Variants in PICALM observed in about 807,000 individuals in gnomAD.
The protein encoded by PICALM is phosphatidylinositol binding clathrin assembly protein.
Under a neutral mutation model 80.5 loss-of-function variants are expected in PICALM, and 40 were observed. The observed-to-expected ratio is 0.50, with a 90% CI of 0.39 to 0.65. The LOEUF (loss-of-function observed/expected upper bound fraction) is 0.65. Ranked by LOEUF, PICALM falls within the 30% of genes least tolerant of loss-of-function variation. The pLI, the probability that PICALM is intolerant of heterozygous loss-of-function variation, is 0.00. For synonymous variants in PICALM, 288 were observed against 260.3 expected (o/e 1.11, Z -1.02); for missense variants, 676 against 778.9 (o/e 0.87, Z 1.57).
intron 7 of PICALM, among the ~76,000 whole-genome samples, chr11:86,008,956 A>C (rs1432643978): frequency 6.6e-6 from 1 of 151,232 alleles, no homozygotes; most frequent in East Asian, 1.9e-4. Context: ...AAAAGCCAAA[A>C]AAAAAAAAAA....
chr11:85,971,911 T>A (rs184145563), intron 19 of PICALM, among the ~76,000 whole-genome samples: 38 of 152,012 alleles, frequency 2.5e-4, no homozygotes, highest in Non-Finnish European at 2.9e-5. Context: ...GCCTCCCAAG[T>A]AGCTGGGATT....
chr11:85,981,293 T>G, intron 16 of PICALM, 65 bp from the exon 17 acceptor site: 2 of 972,664 alleles, frequency 2.1e-6, no homozygotes, highest in Non-Finnish European at 3.3e-6. Context: ...AGCTATATAC[T>G]TATATAGAAC....
At position 85,974,829 on chromosome 11, in the gene PICALM, T is replaced by C. The variant is rs777179290; in HGVS notation, c.1840-17A>G. On this transcript the variant is annotated splice_polypyrimidine_tract_variant and intron_variant, in intron 18 of 19. Coordinates refer to ENST00000393346, the MANE Select transcript of PICALM (RefSeq NM_007166.4). ...TTGTGGAGGCTAAAAAAGAGAAAAA[T>C]ATCAAAAGATACTGACTCCTATCTT... 3.4e-6 allele frequency: 5 copies of C among 1,491,900 alleles called. No individual in the cohort carries two copies. The African/African-American group carries it at 5.5e-5, about 16-fold the overall frequency. 92.4% of individuals were successfully genotyped at this position (1,491,900 alleles called of 1,614,324 possible). A position where few individuals can be genotyped will look rare whatever the true frequency, so the allele number is the denominator to read the frequency against.
chr11:85,962,280 TG>T (rs1435223544), intron 19 of PICALM, among the ~76,000 whole-genome samples: 2 of 152,194 alleles, frequency 1.3e-5, no homozygotes, highest in Non-Finnish European at 2.9e-5. Flanking sequence ...GTTACTGAGC[TG>T]GAGGGAGTCC....
intron 2 of PICALM, among the ~76,000 whole-genome samples, chr11:86,028,587 A>C (rs1285970131): frequency 6.6e-6 from 1 of 152,182 alleles, no homozygotes; most frequent in Non-Finnish European, 1.5e-5. Flanking sequence ...AATTCTATTT[A>C]CCATGAAGGT....
At chr11:85,990,190 G>T (rs1377659234) in intron 13 of PICALM, 60 bp downstream of exon 13, 3 of 921,136 alleles carry the variant, frequency 3.3e-6, no homozygotes, top group African/African-American at 1.7e-5. Context: ...TAATGGACAC[G>T]TAAAATATAG....
intron 1 of PICALM, among the ~76,000 whole-genome samples, chr11:86,052,412 T>C (rs543453374): frequency 6.6e-6 from 1 of 152,196 alleles, no homozygotes; most frequent in African/African-American, 2.4e-5. Context: ...TTATCAGACT[T>C]TGTGAATCCC....
Position 85,957,500 on chromosome 11 carries a change from C to T in PICALM, c.*1546G>A, listed in dbSNP as rs1427827858. 1.3e-5 allele frequency among the ~76,000 whole-genome samples: 2 copies of T among 151,958 alleles called. No individual in the cohort carries two copies. The highest frequency in any genetic ancestry group is 2.9e-5 in the Non-Finnish European group (2 of 67,994). ...AGTTGCATTTATCAATAAGAGTCTA[C>T]AAGGTAACAAAAAGTGTAAAGAGAC... On this transcript the variant is annotated 3_prime_UTR_variant, in exon 20 of 20. Coordinates refer to ENST00000393346, the MANE Select transcript of PICALM (RefSeq NM_007166.4).
At chr11:85,976,231 C>T (rs2094278522) in intron 18 of PICALM, among the ~76,000 whole-genome samples, 2 of 152,114 alleles carry the variant, frequency 1.3e-5, no homozygotes, top group Non-Finnish European at 2.9e-5. Context: ...ATTTCTCTAG[C>T]CTTTATCAGA....
intron 1 of PICALM, among the ~76,000 whole-genome samples, chr11:86,035,854 A>C (rs1027303836): frequency 1.6e-4 from 24 of 151,194 alleles, no homozygotes; most frequent in African/African-American, 5.3e-4. Context: ...AGGCTGAGGC[A>C]GCAGAATTGC....
chr11:86,000,975 C>T, intron 10 of PICALM, 60 bp downstream of exon 10: 1 of 1,590,196 alleles, frequency 6.3e-7, no homozygotes, highest in South Asian at 1.1e-5. Flanking sequence ...TGCAGAGGCC[C>T]CATTTACCTA....
intron 19 of PICALM, chr11:85,960,648 C>T (rs1217608119): frequency 1.4e-5 from 13 of 943,734 alleles, no homozygotes; most frequent in Non-Finnish European, 2.0e-5. Flanking sequence ...TATTTAAGTC[C>T]CCATCTCCCA....
intron 1 of PICALM, among the ~76,000 whole-genome samples, chr11:86,034,433 T>C (rs2095807900): frequency 6.6e-6 from 1 of 152,118 alleles, no homozygotes; most frequent in African/African-American, 2.4e-5. Flanking sequence ...CAAACAAAAG[T>C]AACACTTATC....
intron 1 of PICALM, among the ~76,000 whole-genome samples, chr11:86,064,775 T>C (rs899096751): frequency 5.3e-5 from 8 of 150,906 alleles, no homozygotes; most frequent in African/African-American, 2.0e-4. Flanking sequence ...AGAATTCATA[T>C]CAAAAAATAG....
In PICALM at chr11:85,990,204, G is replaced by A. The variant is rs776938722; in HGVS notation, c.1408+46C>T. 41 of 1,100,582 alleles carry A rather than the reference G, an allele frequency of 3.7e-5. No individual in the cohort carries two copies. The South Asian group carries it at 5.7e-4, about 15-fold the overall frequency. The allele number at this position is 1,100,582 out of a possible 1,614,324, so 68.2% of individuals were successfully genotyped here. On this transcript the variant is annotated intron_variant, in intron 13 of 19. Coordinates refer to ENST00000393346, the MANE Select transcript of PICALM (RefSeq NM_007166.4). Reference sequence around the variant, plus strand: ...TTAATGGACACGTAAAATATAGTTAGGCAGTATAAACATTGATTGGAAAAA... The same window carrying A: ...TTAATGGACACGTAAAATATAGTTAAGCAGTATAAACATTGATTGGAAAAA...
chr11:85,972,073 G>A (rs77054772), intron 19 of PICALM, among the ~76,000 whole-genome samples: 3,724 of 152,068 alleles, frequency 0.024, 69 homozygotes, highest in Non-Finnish European at 0.037. Context: ...GTGAGCCACC[G>A]TGCCTGGCCA....
chr11:86,065,482 A>T (rs1002229315), intron 1 of PICALM, among the ~76,000 whole-genome samples: 1 of 152,072 alleles, frequency 6.6e-6, no homozygotes, highest in East Asian at 1.9e-4. Flanking sequence ...TGCAATAATT[A>T]TGGTTCTTTT....
chr11:86,023,154 G>C (rs2095595257), intron 3 of PICALM, among the ~76,000 whole-genome samples: 1 of 152,008 alleles, frequency 6.6e-6, no homozygotes, highest in Non-Finnish European at 1.5e-5. Flanking sequence ...TTATTACCTG[G>C]CTCAAGGAAG....
chr11:86,053,501 T>C (rs1006388965), intron 1 of PICALM, among the ~76,000 whole-genome samples: 1 of 152,236 alleles, frequency 6.6e-6, no homozygotes, highest in Non-Finnish European at 1.5e-5. Flanking sequence ...CCAAATTTAA[T>C]TTGTCTAAAG....
Sources: allele counts gnomAD v4.1 joint callset (sites outside exome capture counted in the v4.1 genomes callset), GRCh38; gene constraint gnomAD v4.1.1; transcripts MANE v1.5; gene names NCBI Gene and HGNC (gene_info 2026-07-23, HGNC 2026-07-21).